Variants in PPP3CB observed in about 807,000 individuals in gnomAD.
The protein encoded by PPP3CB is serine/threonine-protein phosphatase 2B catalytic subunit beta isoform.
A neutral mutation model predicts 66.4 loss-of-function variants in PPP3CB; 8 were observed. The observed-to-expected ratio is 0.12, with a 90% CI of 0.07 to 0.22. The LOEUF (loss-of-function observed/expected upper bound fraction) is 0.22, where lower values mean the gene tolerates loss of function less well. Among genes scored for constraint, PPP3CB ranks in the 10% least tolerant of loss-of-function variants. The pLI, the probability that PPP3CB is intolerant of heterozygous loss-of-function variation, is 1.00. For missense variants in PPP3CB, 319 were observed against 642.5 expected (o/e 0.50, Z 5.44); for synonymous variants, 208 against 221.2 (o/e 0.94, Z 0.53).
intron 4 of PPP3CB, among the ~76,000 whole-genome samples, chr10:73,474,535 C>T (rs1164640533): frequency 2.0e-5 from 3 of 151,656 alleles, no homozygotes; most frequent in Non-Finnish European, 2.9e-5. Flanking sequence ...CAGGCTCAAG[C>T]GATCCTCCCA....
chr10:73,463,646 C>T (rs2056567828), intron 9 of PPP3CB, among the ~76,000 whole-genome samples: 1 of 152,198 alleles, frequency 6.6e-6, no homozygotes, highest in Admixed American at 6.5e-5. Flanking sequence ...ACAGAAATAA[C>T]CTCCTTTCTC....
Position 73,491,275 on chromosome 10 carries a change from T to C in PPP3CB, c.85+4530A>G, listed in dbSNP as rs185382255. Among the ~76,000 whole-genome samples, 1,148 of 151,960 alleles carry C rather than the reference T, an allele frequency of 7.6e-3. 14 individuals carry two copies. The highest frequency in any genetic ancestry group is 0.026 in the African/African-American group (1,083 of 41,482). ...CGAACTCCTGATCTCGTGATCCACC[T>C]GCCTCAGCCTCCCAAAGTGCTGGGA... On this transcript the variant is annotated intron_variant, in intron 1 of 13. Transcript: ENST00000360663.
intron 1 of PPP3CB, among the ~76,000 whole-genome samples, chr10:73,483,727 TG>T (rs2056922795): frequency 6.6e-6 from 1 of 152,158 alleles, no homozygotes; most frequent in African/African-American, 2.4e-5. Flanking sequence ...CGTATAGTGT[TG>T]TTTTGCAAGT....
At chr10:73,473,688 A>G (rs1271163008) in intron 4 of PPP3CB, among the ~76,000 whole-genome samples, 1 of 152,070 alleles carries the variant, frequency 6.6e-6, no homozygotes, top group Non-Finnish European at 1.5e-5. Context: ...AAAAAAGCAC[A>G]AAGGTTTGAG....
chr10:73,456,620 TA>T (rs1265723730), intron 9 of PPP3CB, among the ~76,000 whole-genome samples: 1 of 152,084 alleles, frequency 6.6e-6, no homozygotes, highest in African/African-American at 2.4e-5. Flanking sequence ...TACAAAAGAA[TA>T]AAGCTGCAAA....
intron 1 of PPP3CB, among the ~76,000 whole-genome samples, chr10:73,490,974 A>G (rs1329412111): frequency 6.8e-6 from 1 of 148,074 alleles, no homozygotes; most frequent in Admixed American, 6.8e-5. Context: ...TTAGGATTAC[A>G]GGTGCGTGCC....
chr10:73,447,161 T>C (rs1372504780), intron 10 of PPP3CB, among the ~76,000 whole-genome samples: 1 of 152,198 alleles, frequency 6.6e-6, no homozygotes, highest in African/African-American at 2.4e-5. Context: ...ATTTCAACAA[T>C]GCACCAGGTG....
intron 5 of PPP3CB, 112 bp from the exon 6 acceptor site, chr10:73,471,321 A>G (rs2056698676): frequency 2.2e-6 from 3 of 1,354,814 alleles, no homozygotes; most frequent in Non-Finnish European, 1.0e-6. Flanking sequence ...ATTATTGTGA[A>G]TAAACAGAAG....
chr10:73,440,007 T>C, intron 12 of PPP3CB, 106 bp from the exon 13 acceptor site: 2 of 1,139,970 alleles, frequency 1.8e-6, no homozygotes, highest in Non-Finnish European at 2.6e-6. Flanking sequence ...CAGTATCCCA[T>C]ACTACATCAT....
At chr10:73,465,303 A>C (rs762916816) in intron 9 of PPP3CB, among the ~76,000 whole-genome samples, 3 of 152,146 alleles carry the variant, frequency 2.0e-5, no homozygotes, top group Non-Finnish European at 4.4e-5. Flanking sequence ...ATTGTTGTAC[A>C]GTGTATTCTC....
chr10:73,488,014 C>T (rs1278871186), intron 1 of PPP3CB, among the ~76,000 whole-genome samples: 1 of 152,056 alleles, frequency 6.6e-6, no homozygotes, highest in African/African-American at 2.4e-5. Flanking sequence ...CATATGACCT[C>T]AAGTGATCCG....
intron 1 of PPP3CB, 136 bp downstream of exon 1, chr10:73,495,669 G>A: frequency 2.3e-6 from 3 of 1,322,170 alleles, no homozygotes; most frequent in South Asian, 3.0e-5. Flanking sequence ...GGCCCGCCCA[G>A]GGGCCACTCC....
intron 1 of PPP3CB, among the ~76,000 whole-genome samples, chr10:73,493,633 AT>A (rs2057114236): frequency 6.6e-6 from 1 of 152,214 alleles, no homozygotes; most frequent in Non-Finnish European, 1.5e-5. Flanking sequence ...GTTACACACC[AT>A]TTTAAAACAT....
intron 1 of PPP3CB, among the ~76,000 whole-genome samples, chr10:73,488,489 T>A (rs1417235238): frequency 1.4e-5 from 2 of 145,408 alleles, no homozygotes; most frequent in African/African-American, 5.2e-5. Context: ...GAACCTGCAG[T>A]GAGCTATGAT....
At chr10:73,438,481 C>T in intron 13 of PPP3CB, 61 bp from the exon 14 acceptor site, 1 of 1,431,638 alleles carries the variant, frequency 7.0e-7, no homozygotes, top group East Asian at 2.3e-5. Context: ...ATTTCAAAAA[C>T]ATAATTAATG....
intron 8 of PPP3CB, 39 bp downstream of exon 8, chr10:73,470,648 T>G (rs184247074): frequency 7.7e-7 from 1 of 1,293,222 alleles, no homozygotes; most frequent in Non-Finnish European, 1.1e-6. Context: ...ATTAAAATAC[T>G]AAGTTGTTTA....
chr10:73,467,034 C>T (rs1034003402), intron 9 of PPP3CB: 3 of 152,068 alleles, frequency 2.0e-5, no homozygotes, highest in Admixed American at 2.0e-4. Context: ...ATTAGAAAGG[C>T]ATCACTACTA....
intron 5 of PPP3CB, 123 bp downstream of exon 5, chr10:73,471,345 A>G: frequency 1.5e-6 from 2 of 1,346,936 alleles, no homozygotes; most frequent in South Asian, 1.5e-5. Flanking sequence ...TTTCCTTAAG[A>G]TATCAGTATA....
chr10:73,491,926 C>T (rs112680173), intron 1 of PPP3CB, among the ~76,000 whole-genome samples: 2,478 of 152,148 alleles, frequency 0.016, 67 homozygotes, highest in African/African-American at 0.057. Context: ...GAGATTGCGC[C>T]ATTGCACTCC....
Sources: gnomAD v4.1 joint callset for allele counts (sites outside exome capture counted in the v4.1 genomes callset) on GRCh38, gnomAD v4.1.1 for gene constraint, MANE v1.5 for transcripts, NCBI Gene and HGNC (gene_info 2026-07-23, HGNC 2026-07-21) for gene names.